The following BGN variants were observed in gnomAD, a reference collection of about 807,000 sequenced individuals.
BGN encodes biglycan.
BGN carries 6 observed loss-of-function variants against 20.0 expected under a neutral mutation model. The observed-to-expected ratio is 0.30, with a 90% CI of 0.16 to 0.59. BGN has a LOEUF of 0.59. Among genes scored for constraint, BGN ranks in the 20% least tolerant of loss-of-function variants. BGN has a pLI of 0.88. For missense variants in BGN, 292 were observed against 312.1 expected, an observed-to-expected ratio of 0.94 and a Z score of 0.49; for synonymous variants, 146 against 134.6, an observed-to-expected ratio of 1.08 and a Z score of -0.59.
At chrX:153,498,764 A>G (rs2089736065) in intron 1 of BGN, among the ~76,000 whole-genome samples, 1 of 112,057 alleles carries the variant, frequency 8.9e-6, no homozygotes, top group Admixed American at 9.3e-5. Flanking sequence ...TGGCTTTTCC[A>G]GGAGACTCCC....
At position 153,508,451 on chromosome X, in the gene BGN, G is replaced by C; in HGVS notation, c.*6G>C. ...TTGGCAACTACAAAAAGTAGAGGCA[G>C]CTGCAGCCACCGCGGGGCCTCAGTG... On this transcript the variant is annotated 3_prime_UTR_variant, in exon 8 of 8. Transcript: ENST00000331595. The C allele has an allele frequency of 8.3e-7, 1 of 1,209,472 alleles. No individual in the cohort carries two copies. Among genetic ancestry groups the C allele is most frequent in the African/African-American group, 1.7e-5 (1 of 57,878 alleles).
At position 153,509,028 on chromosome X, in the gene BGN, CCTCTCTCTCTCT is replaced by C. The variant is rs782391883; in HGVS notation, c.*602_*613del. On this transcript the variant is annotated 3_prime_UTR_variant, in exon 8 of 8. Coordinates refer to ENST00000331595, the MANE Select transcript of BGN (RefSeq NM_001711.6). ...TTCTGTTCTCTCTTTCCCCGTCCTT[CCTCTCTCTCTCT>C]CTCTCTCTCTCTCTCTCTTTCTGTG... The C allele has an allele frequency of 3.2e-4, 28 of 87,800 alleles. No homozygotes were observed. Among genetic ancestry groups the C allele is most frequent in the Middle Eastern group, 5.3e-3 (1 of 187 alleles). The allele number at this position is 87,800 out of a possible 1,213,427, so 7.2% of individuals were successfully genotyped here.
At chrX:153,503,640 A>C (rs962835627) in intron 1 of BGN, among the ~76,000 whole-genome samples, 10 of 111,296 alleles carry the variant, frequency 9.0e-5, no homozygotes, top group Non-Finnish European at 1.7e-4. Flanking sequence ...ATGAGGAGGG[A>C]GGAGGCAAGC....
intron 1 of BGN, among the ~76,000 whole-genome samples, chrX:153,503,517 G>A (rs1216267041): frequency 8.9e-6 from 1 of 112,463 alleles, no homozygotes; most frequent in Non-Finnish European, 1.9e-5. Flanking sequence ...GCTGGGATGA[G>A]ACCTGGGCCT....
chrX:153,506,456 G>A, intron 4 of BGN, 73 bp from the exon 5 acceptor site: 1 of 974,133 alleles, frequency 1.0e-6, no homozygotes, highest in Non-Finnish European at 1.4e-6. Flanking sequence ...CCACCACACT[G>A]GCCCGGAAGT....
intron 1 of BGN, among the ~76,000 whole-genome samples, chrX:153,502,644 C>T (rs1224015690): frequency 1.8e-5 from 2 of 113,159 alleles, no homozygotes; most frequent in Non-Finnish European, 3.8e-5. Flanking sequence ...GCTGGGCCGG[C>T]CTGAGGCTGG....
At chrX:153,498,106 T>C (rs2089732113) in intron 1 of BGN, among the ~76,000 whole-genome samples, 1 of 112,792 alleles carries the variant, frequency 8.9e-6, no homozygotes, top group Non-Finnish European at 1.9e-5. Flanking sequence ...GGCTCATCTC[T>C]GAGGCTTAGG....
chrX:153,504,253 C>T (rs1556992504), intron 1 of BGN, among the ~76,000 whole-genome samples: 1 of 112,707 alleles, frequency 8.9e-6, no homozygotes, highest in Non-Finnish European at 1.9e-5. Flanking sequence ...CTCCACGCAG[C>T]CTCATGGACG....
At chrX:153,508,096 C>A in intron 7 of BGN, 152 bp from the exon 8 acceptor site, 2 of 576,785 alleles carry the variant, frequency 3.5e-6, no homozygotes, top group Non-Finnish European at 5.7e-6. Context: ...AAATAACACG[C>A]CCATGCCTTG....
At chrX:153,506,434 A>T in intron 4 of BGN, 95 bp from the exon 5 acceptor site, 1 of 784,815 alleles carries the variant, frequency 1.3e-6, no homozygotes, top group Non-Finnish European at 1.9e-6. Context: ...AGCAGCCGGC[A>T]GGTAGCAGGG....
chrX:153,505,818 G>C (rs1556992951), intron 3 of BGN, 45 bp from the exon 4 acceptor site: 1 of 1,077,341 alleles, frequency 9.3e-7, no homozygotes, highest in South Asian at 2.0e-5. Flanking sequence ...GGGCGGGTGG[G>C]GTGGGGAGTC....
At chrX:153,500,901 G>A (rs1556991696) in intron 1 of BGN, among the ~76,000 whole-genome samples, 1 of 111,798 alleles carries the variant, frequency 8.9e-6, no homozygotes, top group Admixed American at 9.4e-5. Context: ...GTGTGCATCT[G>A]TGTATATATG....
chrX:153,507,588 G>A (rs1314173850), intron 7 of BGN, among the ~76,000 whole-genome samples: 1 of 113,167 alleles, frequency 8.8e-6, no homozygotes, highest in Non-Finnish European at 1.9e-5. Context: ...GGCCTGGCCC[G>A]CAACCAGGTG....
At position 153,506,604 on chromosome X, in the gene BGN, G is replaced by A. The variant is rs1556993227; in HGVS notation, c.641G>A (p.Arg214His). 1 of 1,211,230 alleles carries A rather than the reference G, an allele frequency of 8.3e-7. No homozygotes were observed. Residue 214 changes from arginine to histidine, a missense_variant, in exon 5 of 8, where the codon CGC becomes CAC. Transcript: ENST00000331595. ...GATGGCCTGAAGCTCAACTACCTGC[G>A]CATCTCAGAGGCCAAGCTGACTGGC... ...AFDGLKLNYL[R>H]ISEAKLTGIP...
At position 153,506,915 on chromosome X, in the gene BGN, G is replaced by C. The variant is rs1396783883; in HGVS notation, c.762G>C (p.Lys254Asn). Residue 254 changes from lysine to asparagine, a missense_variant, in exon 6 of 8, where the codon AAG (lysine) becomes AAC (asparagine). Transcript: ENST00000331595. ...IELEDLLRYS[K>N]LYRLGLGHNQ... ...TGGAGGACCTGCTTCGCTACTCCAAGCTGTACAGGTGAGGCCAGCAGGGCA... is the reference window on the plus strand; with the variant it reads ...TGGAGGACCTGCTTCGCTACTCCAACCTGTACAGGTGAGGCCAGCAGGGCA... 8.3e-7 allele frequency: 1 copy of C among 1,209,806 alleles called. No homozygotes were observed. The highest frequency in any genetic ancestry group is 1.1e-6 in the Non-Finnish European group (1 of 894,776).
intron 1 of BGN, among the ~76,000 whole-genome samples, chrX:153,503,144 G>A (rs1241466795): frequency 2.7e-5 from 3 of 112,758 alleles, no homozygotes; most frequent in African/African-American, 6.4e-5. Context: ...ACTCCAAAGC[G>A]GCAGCCCCGG....
chrX:153,503,087 A>T (rs1556992200), intron 1 of BGN, among the ~76,000 whole-genome samples: 1 of 112,604 alleles, frequency 8.9e-6, no homozygotes, highest in Non-Finnish European at 1.9e-5. Context: ...CTCAGACCCA[A>T]CCTGGCCCTG....
At chrX:153,497,899 G>C (rs147023007) in intron 1 of BGN, among the ~76,000 whole-genome samples, 1 of 112,264 alleles carries the variant, frequency 8.9e-6, no homozygotes, top group South Asian at 3.7e-4. Flanking sequence ...TTCTTCCCCT[G>C]CCCCGTCATG....
At chrX:153,499,386 C>T (rs912403818) in intron 1 of BGN, among the ~76,000 whole-genome samples, 2 of 112,443 alleles carry the variant, frequency 1.8e-5, no homozygotes, top group Non-Finnish European at 3.8e-5. Context: ...TTGACATGGG[C>T]GCCACAGGCT....
Sources: gnomAD v4.1 joint callset for allele counts (sites outside exome capture counted in the v4.1 genomes callset) on GRCh38, gnomAD v4.1.1 for gene constraint, MANE v1.5 for transcripts, NCBI Gene and HGNC (gene_info 2026-07-23, HGNC 2026-07-21) for gene names.